Variants in PLD1 observed in about 807,000 individuals in gnomAD.
The protein encoded by PLD1 is choline phosphatase 1.
PLD1 carries 112 observed loss-of-function variants against 137.1 expected under a neutral mutation model. The ratio of observed to expected loss-of-function variants is 0.82; its 90% CI spans 0.70 to 0.96. The LOEUF (loss-of-function observed/expected upper bound fraction) is 0.96. Ranked by LOEUF, PLD1 falls within the 40% of genes least tolerant of loss-of-function variation. The probability of loss-of-function intolerance (pLI) is 0.00; values close to 1 mark genes in which losing one functional copy is unlikely to be tolerated. For synonymous variants in PLD1, 431 were observed against 454.7 expected, an observed-to-expected ratio of 0.95 and a Z score of 0.66; for missense variants, 1,321 against 1,342.0, an observed-to-expected ratio of 0.98 and a Z score of 0.24.
intron 21 of PLD1, among the ~76,000 whole-genome samples, chr3:171,647,148 AC>A (rs1348639257): frequency 6.6e-6 from 1 of 152,176 alleles, no homozygotes; most frequent in Non-Finnish European, 1.5e-5. Context: ...ATGCCTGCCC[AC>A]ATATCTTTCT....
intron 11 of PLD1, among the ~76,000 whole-genome samples, chr3:171,700,191 T>C (rs1188702944): frequency 6.6e-6 from 1 of 152,022 alleles, no homozygotes; most frequent in African/African-American, 2.4e-5. Flanking sequence ...ATATTCTAGA[T>C]ACTTGCTTTC....
At chr3:171,622,023 G>A (rs951713549) in intron 23 of PLD1, among the ~76,000 whole-genome samples, 1 of 152,120 alleles carries the variant, frequency 6.6e-6, no homozygotes, top group Non-Finnish European at 1.5e-5. Context: ...GTGGATAAAT[G>A]AATATTCAGG....
rs1406515779 is a variant in PLD1 at position 171,603,227 on chromosome 3, C to G, written c.3076G>C (p.Ala1026Pro). 1 of 1,614,070 alleles carries G rather than the reference C, an allele frequency of 6.2e-7. No homozygotes were observed. The stretch of plus-strand genomic sequence containing the variant: ...TCAGCTCGAATGGGATCTTCCTTAG[C>G]TAATACGGGCTTGTTTATAAAGTCT... ...LRDFINKPVLAKEDPIRAEEE... is the reference protein window; with the variant it reads ...LRDFINKPVLPKEDPIRAEEE... The change falls in exon 27 of 27, where the codon GCT becomes CCT. Residue 1026 changes from alanine (A) to proline (P), a missense_variant. Transcript: ENST00000351298.
intron 1 of PLD1, among the ~76,000 whole-genome samples, chr3:171,800,683 C>T (rs996597688): frequency 1.3e-5 from 2 of 152,182 alleles, no homozygotes; most frequent in Admixed American, 6.5e-5. Flanking sequence ...TAACAAAATA[C>T]CATAGACTAG....
chr3:171,800,108 G>T (rs1205344432), intron 1 of PLD1, among the ~76,000 whole-genome samples: 1 of 152,214 alleles, frequency 6.6e-6, no homozygotes, highest in Non-Finnish European at 1.5e-5. Flanking sequence ...ACCTATGTGA[G>T]ATGTTAATAA....
intron 19 of PLD1, among the ~76,000 whole-genome samples, chr3:171,663,225 G>A (rs529291771): frequency 2.1e-4 from 32 of 152,130 alleles, no homozygotes; most frequent in African/African-American, 6.5e-4. Flanking sequence ...CTTTCTCATC[G>A]CTCACATTGC....
chr3:171,710,209 C>T (rs1717057678), intron 9 of PLD1, among the ~76,000 whole-genome samples: 1 of 152,112 alleles, frequency 6.6e-6, no homozygotes, highest in Non-Finnish European at 1.5e-5. Context: ...TACAGGCACC[C>T]GCCACCACGC....
rs1317961454 is a variant in PLD1 at position 171,746,733 on chromosome 3, CAAAATGGACCAATCAGTTCTCTGT to C, written c.-31-8675_-31-8652del. 3.0e-3 allele frequency among the ~76,000 whole-genome samples: 454 copies of C among 152,270 alleles called. 2 individuals carry two copies. Among genetic ancestry groups the C allele is most frequent in the African/African-American group, 0.011 (439 of 41,542 alleles). ...GTAAATGCACCAATCAGCACCCTGT[CAAAATGGACCAATCAGTTCTCTGT>C]AAAATGGACCAATCAGCTCTCTGTA... On this transcript the variant is annotated intron_variant, in intron 1 of 26. Transcript: ENST00000351298.
At chr3:171,784,713 C>A (rs988619003) in intron 1 of PLD1, among the ~76,000 whole-genome samples, 12 of 152,140 alleles carry the variant, frequency 7.9e-5, no homozygotes, top group African/African-American at 2.9e-4. Context: ...ACACAGGCTC[C>A]AAGCCAGACA....
chr3:171,766,694 G>A lies in PLD1; in HGVS notation c.-31-28612C>T, dbSNP rs997411730. Among the ~76,000 whole-genome samples the A allele has an allele frequency of 3.1e-4, 47 of 151,968 alleles. 2 individuals are homozygous for A. Among genetic ancestry groups the A allele is most frequent in the Admixed American group, 2.8e-3 (43 of 15,254 alleles). ...CAATTAACATTTTTATACTTAAAGC[G>A]TCTACACTCCTACCTAGAAAATTTA... is the stretch of plus-strand genomic sequence containing the variant. On this transcript the variant is annotated intron_variant, in intron 1 of 26. Coordinates refer to ENST00000351298, the MANE Select transcript of PLD1 (RefSeq NM_002662.5).
chr3:171,681,336 A>G (rs868250923), intron 16 of PLD1, among the ~76,000 whole-genome samples: 2 of 152,186 alleles, frequency 1.3e-5, no homozygotes, highest in Non-Finnish European at 2.9e-5. Context: ...CCTTTCTAAA[A>G]TCCAGAACTT....
Position 171,612,237 on chromosome 3 carries a change from G to A in PLD1, c.2882+42C>T. ...GCGGGGCTGGGTCCCAGCGACTGCT[G>A]CAGTGGAAATGCATCAGAGAGACAC... On this transcript the variant is annotated intron_variant, in intron 25 of 26. Coordinates refer to ENST00000351298, the MANE Select transcript of PLD1 (RefSeq NM_002662.5). This position sits in a 1 kb window ranked among gnomAD's most constrained non-coding sequence, Gnocchi z 4.1. 1 of 1,596,838 alleles carries A rather than the reference G, an allele frequency of 6.3e-7. No homozygotes were observed.
intron 1 of PLD1, among the ~76,000 whole-genome samples, chr3:171,770,290 C>T (rs1230929536): frequency 2.6e-5 from 4 of 152,118 alleles, no homozygotes; most frequent in African/African-American, 9.7e-5. Flanking sequence ...GGGCTTAATC[C>T]ACCTGTACAT....
intron 11 of PLD1, among the ~76,000 whole-genome samples, chr3:171,704,243 T>C (rs576531935): frequency 7.9e-5 from 12 of 152,142 alleles, no homozygotes; most frequent in Non-Finnish European, 1.8e-4. Context: ...CAGATCTGAA[T>C]AGCACCACAA....
chr3:171,738,227 T>C (rs1226549057), intron 1 of PLD1, 145 bp from the exon 2 acceptor site: 1 of 430,896 alleles, frequency 2.3e-6, no homozygotes, highest in Non-Finnish European at 4.1e-6. Flanking sequence ...AACAACCTTT[T>C]AGTTTACGTT....
intron 1 of PLD1, among the ~76,000 whole-genome samples, chr3:171,796,082 C>T (rs946536426): frequency 3.3e-5 from 5 of 152,200 alleles, no homozygotes; most frequent in African/African-American, 1.2e-4. Flanking sequence ...TAGTAATTTA[C>T]TCTTACCCAA....
intron 4 of PLD1, 68 bp downstream of exon 4, chr3:171,735,424 C>T: frequency 7.5e-7 from 1 of 1,341,722 alleles, no homozygotes; most frequent in South Asian, 1.2e-5. Context: ...GTGTGAGCTA[C>T]CACACCCAGA....
chr3:171,794,123 G>A (rs997488834), intron 1 of PLD1, among the ~76,000 whole-genome samples: 3 of 149,836 alleles, frequency 2.0e-5, no homozygotes, highest in Non-Finnish European at 4.4e-5. Flanking sequence ...CAGCCTACAC[G>A]AGGGGAGCAA....
chr3:171,637,947 G>A (rs376799183), intron 23 of PLD1, among the ~76,000 whole-genome samples: 12 of 152,184 alleles, frequency 7.9e-5, no homozygotes, highest in South Asian at 2.1e-4. Context: ...TTGGGAGGCC[G>A]AGGTGGGTGG....
Sources: gnomAD v4.1 joint callset for allele counts (sites outside exome capture counted in the v4.1 genomes callset) on GRCh38, gnomAD v4.1.1 for gene constraint, Gnocchi (gnomAD v3.1) non-coding constraint, MANE v1.5 for transcripts, NCBI Gene and HGNC (gene_info 2026-07-23, HGNC 2026-07-21) for gene names.